Variants in SIPA1L3 observed in about 807,000 individuals in gnomAD.
SIPA1L3 encodes signal-induced proliferation-associated 1-like protein 3.
In SIPA1L3, 59 loss-of-function variants were observed where a neutral mutation model predicts 150.1. That is an observed-to-expected ratio of 0.39 (90% CI 0.32 to 0.49). SIPA1L3 has a LOEUF of 0.49. Among genes scored for constraint, SIPA1L3 ranks in the 20% least tolerant of loss-of-function variants. SIPA1L3 has a pLI of 0.86. For missense variants in SIPA1L3, 2,211 were observed against 2,489.5 expected (o/e 0.89, Z 2.38); for synonymous variants, 1,070 against 1,077.6 (o/e 0.99, Z 0.14).
chr19:37,968,707 T>C (rs550847592), intron 1 of SIPA1L3, among the ~76,000 whole-genome samples: 3 of 152,240 alleles, frequency 2.0e-5, no homozygotes, highest in Non-Finnish European at 2.9e-5. Context: ...GGTTCCAGTC[T>C]CAAATTGGTT....
chr19:38,042,791 G>A (rs929334990), intron 2 of SIPA1L3, among the ~76,000 whole-genome samples: 1 of 152,182 alleles, frequency 6.6e-6, no homozygotes, highest in African/African-American at 2.4e-5. Context: ...TGCGTGAGCT[G>A]TAACTAGTTC....
chr19:37,913,176 C>T (rs2046390154), intron 1 of SIPA1L3, among the ~76,000 whole-genome samples: 2 of 151,556 alleles, frequency 1.3e-5, no homozygotes, highest in African/African-American at 4.9e-5. Flanking sequence ...TCGCTGGAGA[C>T]TGAATGAAAT....
rs59957165 is a variant in SIPA1L3 at position 38,012,089 on chromosome 19, C to CTT, written c.-378-16986_-378-16985dup. On this transcript the variant is annotated intron_variant, in intron 1 of 21. Coordinates refer to ENST00000222345, the MANE Select transcript of SIPA1L3 (RefSeq NM_015073.3). ...AATGCACATCCTTGCTGGGCTGTGT[C>CTT]TTTTTTTTTTTTTTTGAGACAGGGT... 1.2e-3 allele frequency among the ~76,000 whole-genome samples: 171 copies of CTT among 140,634 alleles called. 2 individuals are homozygous for CTT. In the East Asian group the frequency reaches 0.019, roughly 16 times the overall value. The allele number at this position is 140,634 out of a possible 152,430, so 92.3% of individuals were successfully genotyped here.
At chr19:38,179,981 T>C (rs990893856) in intron 15 of SIPA1L3, among the ~76,000 whole-genome samples, 7 of 152,296 alleles carry the variant, frequency 4.6e-5, no homozygotes, top group African/African-American at 1.7e-4. Context: ...TAGCTGAGAT[T>C]ACAGGTGCCC....
chr19:37,950,771 C>G (rs1019555189), intron 1 of SIPA1L3, among the ~76,000 whole-genome samples: 4 of 152,240 alleles, frequency 2.6e-5, no homozygotes, highest in Admixed American at 2.6e-4. Flanking sequence ...CCCCGGCATG[C>G]GGCACTTTTC....
At chr19:38,162,842 T>C (rs1357048883) in intron 14 of SIPA1L3, among the ~76,000 whole-genome samples, 1 of 151,802 alleles carries the variant, frequency 6.6e-6, no homozygotes, top group Non-Finnish European at 1.5e-5. Context: ...TGGAGGTGAG[T>C]GGGAGAAAAG....
chr19:38,177,972 G>A lies in SIPA1L3; in HGVS notation c.4209-4547G>A, dbSNP rs1001697753. Among the ~76,000 whole-genome samples the A allele has an allele frequency of 7.8e-4, 117 of 149,544 alleles. 3 individuals carry two copies. Among genetic ancestry groups the A allele is most frequent in the African/African-American group, 2.3e-3 (95 of 40,564 alleles). On this transcript the variant is annotated intron_variant, in intron 15 of 21. Transcript: ENST00000222345. ...ACCCCGGAGGCGCAGAGGTTGCAGC[G>A]AGCCGAGATCACACCACTGCACTCC...
chr19:37,928,460 A>C (rs2145495091), intron 1 of SIPA1L3, among the ~76,000 whole-genome samples: 1 of 152,268 alleles, frequency 6.6e-6, no homozygotes, highest in Middle Eastern at 3.4e-3. Flanking sequence ...GGTCCCAGCT[A>C]TTCGAGAGGC....
chr19:38,176,453 A>G (rs776905250), intron 15 of SIPA1L3, among the ~76,000 whole-genome samples: 6 of 151,606 alleles, frequency 4.0e-5, no homozygotes, highest in East Asian at 3.9e-4. Context: ...CTGGAATCCA[A>G]TGGTGCAGTC....
At chr19:37,943,292 CA>C (rs2046679356) in intron 1 of SIPA1L3, among the ~76,000 whole-genome samples, 1 of 152,148 alleles carries the variant, frequency 6.6e-6, no homozygotes, top group African/African-American at 2.4e-5. Context: ...TAATCCTTGT[CA>C]CATAGGCTGT....
intron 16 of SIPA1L3, among the ~76,000 whole-genome samples, chr19:38,191,825 AG>A (rs1307321635): frequency 6.6e-6 from 1 of 152,136 alleles, no homozygotes; most frequent in Non-Finnish European, 1.5e-5. Context: ...AACAAAAAAA[AG>A]CCTCTCCCCT....
chr19:38,165,507 G>A (rs1972189811), intron 15 of SIPA1L3, among the ~76,000 whole-genome samples: 1 of 152,180 alleles, frequency 6.6e-6, no homozygotes, highest in Admixed American at 6.5e-5. Flanking sequence ...GGGAAAGTTG[G>A]AAGCCTCTGA....
At chr19:38,120,025 C>T (rs550912315) in intron 9 of SIPA1L3, 143 bp downstream of exon 9, 10 of 616,474 alleles carry the variant, frequency 1.6e-5, no homozygotes, top group African/African-American at 3.7e-5. Context: ...ACAAACTAGA[C>T]ATCTTGTGGG....
At chr19:38,027,885 G>A (rs1450915264) in intron 1 of SIPA1L3, among the ~76,000 whole-genome samples, 2 of 152,008 alleles carry the variant, frequency 1.3e-5, no homozygotes, top group Non-Finnish European at 2.9e-5. Context: ...TGAATTCTGT[G>A]CCTCAGTTTC....
chr19:37,952,656 G>A (rs1351733447), intron 1 of SIPA1L3, among the ~76,000 whole-genome samples: 2 of 152,188 alleles, frequency 1.3e-5, no homozygotes, highest in Non-Finnish European at 2.9e-5. Context: ...CTGAGGAACA[G>A]AGTGAGACTC....
intron 15 of SIPA1L3, among the ~76,000 whole-genome samples, chr19:38,175,409 T>C (rs895587801): frequency 1.3e-5 from 2 of 152,172 alleles, no homozygotes; most frequent in African/African-American, 4.8e-5. Context: ...CACACACTTA[T>C]GCAGCTGGTA....
At chr19:38,204,274 A>T (rs1973156569) in intron 21 of SIPA1L3, 66 bp downstream of exon 21, 3 of 1,361,966 alleles carry the variant, frequency 2.2e-6, no homozygotes, top group Non-Finnish European at 1.0e-6. Context: ...GTCAGCAGGG[A>T]TCAGGCACCT....
chr19:38,122,994 A>G (rs931570249), intron 9 of SIPA1L3, among the ~76,000 whole-genome samples: 6 of 152,130 alleles, frequency 3.9e-5, no homozygotes, highest in African/African-American at 1.4e-4. Flanking sequence ...TGTCCTCAGC[A>G]CCTGGGCCAG....
At chr19:37,927,653 GGGT>G (rs1157195180) in intron 1 of SIPA1L3, among the ~76,000 whole-genome samples, 1 of 77,322 alleles carries the variant, frequency 1.3e-5, no homozygotes, top group Non-Finnish European at 2.5e-5. Flanking sequence ...TAAGAACATG[GGGT>G]GTGTGTGTGT....
Sources: allele counts gnomAD v4.1 joint callset (sites outside exome capture counted in the v4.1 genomes callset), GRCh38; gene constraint gnomAD v4.1.1; transcripts MANE v1.5; gene names NCBI Gene and HGNC (gene_info 2026-07-23, HGNC 2026-07-21).